The following NWD1 variants were observed in gnomAD, a reference collection of about 807,000 sequenced individuals.
The protein encoded by NWD1 is NACHT and WD repeat domain containing 1.
A neutral mutation model predicts 135.1 loss-of-function variants in NWD1; 129 were observed. The observed-to-expected ratio is 0.96, with a 90% CI of 0.83 to 1.11. The LOEUF is 1.11. Among genes scored for constraint, NWD1 ranks in the 50% least tolerant of loss-of-function variants. The pLI is 0.00. For missense variants in NWD1, 1,740 were observed against 1,851.3 expected (o/e 0.94, Z 1.10); for synonymous variants, 773 against 786.0 (o/e 0.98, Z 0.28).
intron 6 of NWD1, among the ~76,000 whole-genome samples, chr19:16,751,363 AAG>A (rs964744868): frequency 6.6e-6 from 1 of 151,966 alleles, no homozygotes; most frequent in South Asian, 2.1e-4. Context: ...AAAAGAAAGA[AAG>A]AGAGAGAGAA....
rs957943913 is a variant in NWD1 at position 16,738,780 on chromosome 19, A to G, written c.198+2030A>G. Among the ~76,000 whole-genome samples the G allele has an allele frequency of 9.0e-5, 6 of 66,946 alleles. No individual in the cohort carries two copies. The South Asian group carries it at 2.6e-3, about 29-fold the overall frequency. The allele number at this position is 66,946 out of a possible 152,430, so 43.9% of individuals were successfully genotyped here. A position where few individuals can be genotyped will look rare whatever the true frequency, so the allele number is the denominator to read the frequency against. On this transcript the variant is annotated intron_variant, in intron 4 of 18. Transcript: ENST00000524140. Reference sequence around the variant, plus strand: ...TATATAATATAATGATATATAATATATAATATATAATAACATATAACATAC... The same window carrying G: ...TATATAATATAATGATATATAATATGTAATATATAATAACATATAACATAC...
chr19:16,754,026 TATCCATCC>T (rs57643593), intron 6 of NWD1, among the ~76,000 whole-genome samples: 5 of 144,808 alleles, frequency 3.5e-5, no homozygotes, highest in African/African-American at 7.7e-5. Context: ...ATCTTCCATC[TATCCATCC>T]ATCCATCCAT....
chr19:16,781,008 T>C (rs1369836052), intron 12 of NWD1, among the ~76,000 whole-genome samples: 1 of 152,126 alleles, frequency 6.6e-6, no homozygotes, highest in African/African-American at 2.4e-5. Context: ...TTGCCAAGGA[T>C]GTGGATCAGT....
Position 16,749,747 on chromosome 19 carries a change from G to A in NWD1, c.1105G>A (p.Val369Ile), listed in dbSNP as rs61733271. 66,865 of 1,607,094 alleles carry A rather than the reference G, an allele frequency of 0.042. 2,088 individuals are homozygous for A. The highest frequency in any genetic ancestry group is 0.17 in the African/African-American group (12,391 of 74,932). Residue 369 changes from valine (V) to isoleucine (I), a missense_variant, in exon 6 of 19, where the codon GTC becomes ATC. By Grantham distance (29) the Val-to-Ile change is conservative. Transcript: ENST00000524140. ...PRLLGHKTVTVLRLLGTSQMS... is the reference protein window; with the variant it reads ...PRLLGHKTVTILRLLGTSQMS... ...GCTGCTGGGGCACAAGACAGTGACC[G>A]TCCTGCGGCTGCTGGGGACGTCACA...
Position 16,791,564 on chromosome 19 carries a change from T to C in NWD1, c.3155T>C (p.Val1052Ala), listed in dbSNP as rs1410562918. 3.1e-6 allele frequency: 5 copies of C among 1,614,022 alleles called. No homozygotes were observed. In the African/African-American group the frequency reaches 4.0e-5, roughly 13 times the overall value. The change falls in exon 14 of 19, where the codon GTC becomes GCC. Residue 1052 changes from valine to alanine, a missense_variant. Coordinates refer to ENST00000524140, the MANE Select transcript of NWD1 (RefSeq NM_001007525.5). The part of the protein sequence containing the change: ...SIKEETPTCA[V>A]SVQKQGKLVT... ...AAAGAAGAAACACCTACCTGTGCCG[T>C]CTCAGTCCAGAAGCAAGGAAAGCTT...
At chr19:16,773,574 C>A (rs981858311) in intron 11 of NWD1, among the ~76,000 whole-genome samples, 1 of 152,154 alleles carries the variant, frequency 6.6e-6, no homozygotes, top group Non-Finnish European at 1.5e-5. Context: ...AGCTTCCCAT[C>A]TCCAAGGGAT....
chr19:16,746,523 A>T (rs1184170959), intron 5 of NWD1, among the ~76,000 whole-genome samples: 2 of 151,972 alleles, frequency 1.3e-5, no homozygotes, highest in African/African-American at 4.8e-5. Context: ...AATTACAAAA[A>T]TTAGCTGGGC....
chr19:16,781,452 C>CA (rs1247726685), intron 12 of NWD1, among the ~76,000 whole-genome samples: 1 of 151,972 alleles, frequency 6.6e-6, no homozygotes, highest in Non-Finnish European at 1.5e-5. Flanking sequence ...CACATCTCTA[C>CA]AAAAAATGCA....
rs573850740 is a variant in NWD1 at position 16,781,420 on chromosome 19, A to G, written c.2731+1955A>G. Among the ~76,000 whole-genome samples the G allele has an allele frequency of 2.3e-4, 35 of 152,268 alleles. 1 individual carries two copies. The South Asian group carries it at 7.0e-3, about 31-fold the overall frequency. ...CATTTAAGCTCAGGATTTTGAGACC[A>G]GCTTGGGCAACATGGTGAACCCACA... On this transcript the variant is annotated intron_variant, in intron 12 of 18. Transcript: ENST00000524140.
At chr19:16,793,188 C>T (rs1970306396) in intron 14 of NWD1, among the ~76,000 whole-genome samples, 1 of 152,084 alleles carries the variant, frequency 6.6e-6, no homozygotes, top group Non-Finnish European at 1.5e-5. Flanking sequence ...AAAGATACTC[C>T]CAAATCCTTG....
At chr19:16,782,975 TCCTC>T (rs775287717) in intron 12 of NWD1, among the ~76,000 whole-genome samples, 14 of 144,064 alleles carry the variant, frequency 9.7e-5, no homozygotes, top group Admixed American at 2.1e-4. Flanking sequence ...CTTCTTTCCT[TCCTC>T]CCTCCCTCCC....
chr19:16,785,484 C>T (rs1970006675), intron 12 of NWD1, among the ~76,000 whole-genome samples: 1 of 150,934 alleles, frequency 6.6e-6, no homozygotes, highest in Non-Finnish European at 1.5e-5. Flanking sequence ...GCACTCCAGC[C>T]TGGGAGACAG....
intron 13 of NWD1, among the ~76,000 whole-genome samples, chr19:16,790,620 TG>T (rs1393755665): frequency 1.5e-5 from 2 of 135,638 alleles, no homozygotes; most frequent in African/African-American, 5.2e-5. Flanking sequence ...ATCCCAAAAC[TG>T]AAAGTAACAT....
At chr19:16,762,641 C>G (rs1464548445) in intron 8 of NWD1, among the ~76,000 whole-genome samples, 1 of 152,208 alleles carries the variant, frequency 6.6e-6, no homozygotes, top group Non-Finnish European at 1.5e-5. Flanking sequence ...ATAATGATTG[C>G]AACTAGGAAA....
chr19:16,747,039 C>T (rs867529063), intron 5 of NWD1, among the ~76,000 whole-genome samples: 236 of 138,000 alleles, frequency 1.7e-3, no homozygotes, highest in African/African-American at 5.9e-3. Context: ...CTTTTTCTTT[C>T]TTTTTTTTTT....
intron 5 of NWD1, among the ~76,000 whole-genome samples, chr19:16,748,176 G>A (rs193089999): frequency 6.6e-4 from 100 of 152,116 alleles, no homozygotes; most frequent in Non-Finnish European, 9.9e-4. Context: ...TAGTGACAAG[G>A]TTTCACCATG....
chr19:16,796,248 G>C (rs771907483), intron 15 of NWD1, among the ~76,000 whole-genome samples: 20 of 152,078 alleles, frequency 1.3e-4, no homozygotes, highest in African/African-American at 1.9e-4. Context: ...GTTCAGATCA[G>C]TGAACTTCTG....
chr19:16,763,990 A>G lies in NWD1; in HGVS notation c.2251+45A>G, dbSNP rs745828642. 14 of 1,147,070 alleles carry G rather than the reference A, an allele frequency of 1.2e-5. No homozygotes were observed. In the East Asian group the frequency reaches 3.0e-4, roughly 25 times the overall value. 71.1% of individuals were successfully genotyped at this position (1,147,070 alleles called of 1,614,324 possible). A position where few individuals can be genotyped will look rare whatever the true frequency, so the allele number is the denominator to read the frequency against. On this transcript the variant is annotated intron_variant, in intron 9 of 18. Coordinates refer to ENST00000524140, the MANE Select transcript of NWD1 (RefSeq NM_001007525.5). ...TCAGAGGACCGAGCCTGGTGACTGC[A>G]CCACGCTCCAGTCTTCTAGAGCCTG...
At position 16,738,881 on chromosome 19, in the gene NWD1, A is replaced by G. The variant is rs1322055780; in HGVS notation, c.198+2131A>G. ...TTATCTATAATATATAATACATTAT[A>G]TATTATATATATATATATTTCACTC... On this transcript the variant is annotated intron_variant, in intron 4 of 18. Coordinates refer to ENST00000524140, the MANE Select transcript of NWD1 (RefSeq NM_001007525.5). Among the ~76,000 whole-genome samples the G allele has an allele frequency of 7.7e-5, 11 of 143,534 alleles. 1 individual carries two copies. The South Asian group carries it at 2.3e-3, about 31-fold the overall frequency. The allele number at this position is 143,534 out of a possible 152,430, so 94.2% of individuals were successfully genotyped here.
Sources: gnomAD v4.1 joint callset for allele counts (sites outside exome capture counted in the v4.1 genomes callset) on GRCh38, gnomAD v4.1.1 for gene constraint, MANE v1.5 for transcripts, NCBI Gene and HGNC (gene_info 2026-07-23, HGNC 2026-07-21) for gene names.